The following CNPY1 variants were observed in gnomAD, a reference collection of about 807,000 sequenced individuals.
CNPY1 encodes canopy FGF signaling regulator 1, also known as protein canopy homolog 1.
Under a neutral mutation model 14.4 loss-of-function variants are expected in CNPY1, and 14 were observed. The ratio of observed to expected loss-of-function variants is 0.97; its 90% confidence interval spans 0.64 to 1.52. The LOEUF (loss-of-function observed/expected upper bound fraction) is 1.52, where lower values mean the gene tolerates loss of function less well. Ranked by LOEUF, CNPY1 falls within the 40% of genes most tolerant of loss-of-function variation. The probability of loss-of-function intolerance (pLI) is 0.00; values close to 1 mark genes in which losing one functional copy is unlikely to be tolerated. For synonymous variants in CNPY1, 43 were observed against 46.5 expected (o/e 0.92, Z 0.31); for missense variants, 129 against 131.5 (o/e 0.98, Z 0.09).
At chr7:155,535,475 G>A (rs989973581) in intron 2 of CNPY1, among the ~76,000 whole-genome samples, 1 of 152,188 alleles carries the variant, frequency 6.6e-6, no homozygotes, top group East Asian at 1.9e-4. Flanking sequence ...CACACACAAG[G>A]CATAAGGATA....
intron 2 of CNPY1, among the ~76,000 whole-genome samples, chr7:155,530,162 G>A (rs1432491667): frequency 2.0e-5 from 3 of 152,068 alleles, no homozygotes; most frequent in Non-Finnish European, 2.9e-5. Flanking sequence ...TTTGGGGCAC[G>A]GTTCCACAAC....
intron 4 of CNPY1, among the ~76,000 whole-genome samples, chr7:155,505,117 G>C (rs2116660131): frequency 6.6e-6 from 1 of 152,284 alleles, no homozygotes; most frequent in Admixed American, 6.5e-5. Flanking sequence ...GTGGGTGGGA[G>C]AAGTCCAGTC....
intron 2 of CNPY1, among the ~76,000 whole-genome samples, chr7:155,520,738 C>T (rs1796705604): frequency 6.6e-6 from 1 of 151,924 alleles, no homozygotes; most frequent in African/African-American, 2.4e-5. Flanking sequence ...AAATGTCTTC[C>T]CTCTTGATGC....
At chr7:155,522,039 T>C (rs1796735360) in intron 2 of CNPY1, among the ~76,000 whole-genome samples, 1 of 152,240 alleles carries the variant, frequency 6.6e-6, no homozygotes, top group Non-Finnish European at 1.5e-5. Flanking sequence ...GAGGTTCCTC[T>C]AGACGTGTTG....
intron 2 of CNPY1, among the ~76,000 whole-genome samples, chr7:155,537,884 CAAGT>C (rs1797041951): frequency 1.3e-5 from 2 of 151,884 alleles, no homozygotes; most frequent in South Asian, 2.1e-4. Context: ...TTAAATTTAA[CAAGT>C]AATATGTTTA....
Position 155,545,956 on chromosome 7 carries a change from C to T in CNPY1, c.-14-13G>A. ...AGCGCCCTGCACGCTAAACAAGACA[C>T]AAAACAGCTGTGATCAGAGGAGGAG... On this transcript the variant is annotated splice_polypyrimidine_tract_variant and intron_variant, in intron 1 of 4. Coordinates refer to ENST00000636446, the MANE Select transcript of CNPY1 (RefSeq NM_001393663.1). 2 of 398,596 alleles carry T rather than the reference C, an allele frequency of 5.0e-6. No homozygotes were observed. Among genetic ancestry groups the T allele is most frequent in the Non-Finnish European group, 8.8e-6 (2 of 226,098 alleles). 24.7% of individuals were successfully genotyped at this position (398,596 alleles called of 1,614,324 possible). A position where few individuals can be genotyped will look rare whatever the true frequency, so the allele number is the denominator to read the frequency against.
rs774164229 is a variant in CNPY1 at position 155,509,027 on chromosome 7, T to C, written c.170A>G (p.Tyr57Cys). The change falls in exon 3 of 5, where the codon TAC becomes TGC. Residue 57 changes from tyrosine to cysteine, a missense_variant. By Grantham distance (194) the Tyr-to-Cys change is radical. Transcript: ENST00000636446. ...CGTCACAGGGTCTTCCTCAAGCTTG[T>C]AGTCGTTCATTCGCTCACAGACTTT... ...LEKVCERMND[Y>C]KLEEDPVTKE... 5.0e-6 allele frequency: 8 copies of C among 1,612,980 alleles called. No individual in the cohort carries two copies. In the African/African-American group the frequency reaches 6.7e-5, roughly 13 times the overall value.
rs1796105646 is a variant in CNPY1, at chr7:155,501,464, T to C, written c.*1604A>G. 1 of 152,246 alleles carries C rather than the reference T, an allele frequency of 6.6e-6. No homozygotes were observed. The highest frequency in any genetic ancestry group is 1.5e-5 in the Non-Finnish European group (1 of 68,042). The allele number at this position is 152,246 out of a possible 1,614,324, so 9.4% of individuals were successfully genotyped here. On this transcript the variant is annotated 3_prime_UTR_variant, in exon 5 of 5. Transcript: ENST00000636446. ...GACCGTGAACAGTTTTCACTGAAGC[T>C]TACTTAGTGTCACAGGTCCCGCCAT...
Position 155,501,484 on chromosome 7 carries a change from C to A in CNPY1, c.*1584G>T, listed in dbSNP as rs1198571620. The A allele has an allele frequency of 6.6e-6, 1 of 152,164 alleles. No individual in the cohort carries two copies. Among genetic ancestry groups the A allele is most frequent in the Non-Finnish European group, 1.5e-5 (1 of 68,026 alleles). 9.4% of individuals were successfully genotyped at this position (152,164 alleles called of 1,614,324 possible). On this transcript the variant is annotated 3_prime_UTR_variant, in exon 5 of 5. Coordinates refer to ENST00000636446, the MANE Select transcript of CNPY1 (RefSeq NM_001393663.1). ...GAAGCTTACTTAGTGTCACAGGTCCCGCCATGTTCCTGTGAAGGTCACTAG... is the reference window on the plus strand; with the variant it reads ...GAAGCTTACTTAGTGTCACAGGTCCAGCCATGTTCCTGTGAAGGTCACTAG...
chr7:155,530,631 G>A (rs1210390455), intron 2 of CNPY1, among the ~76,000 whole-genome samples: 1 of 152,174 alleles, frequency 6.6e-6, no homozygotes, highest in Non-Finnish European at 1.5e-5. Flanking sequence ...CCAACGGCCA[G>A]GCAGCCTCAG....
intron 2 of CNPY1, among the ~76,000 whole-genome samples, chr7:155,513,258 A>G (rs1004739529): frequency 1.3e-5 from 2 of 152,220 alleles, no homozygotes; most frequent in Non-Finnish European, 2.9e-5. Flanking sequence ...AGTGTTCTGT[A>G]TATCAGAAAA....
chr7:155,534,046 G>A (rs1005479358), intron 2 of CNPY1, among the ~76,000 whole-genome samples: 2 of 152,156 alleles, frequency 1.3e-5, no homozygotes, highest in Non-Finnish European at 2.9e-5. Flanking sequence ...TGCTGGCCCC[G>A]CCGGGAAGAG....
At chr7:155,507,659 C>T (rs760656503) in intron 3 of CNPY1, among the ~76,000 whole-genome samples, 2 of 151,956 alleles carry the variant, frequency 1.3e-5, no homozygotes, top group African/African-American at 2.4e-5. Context: ...ACAGTTACTT[C>T]GGGAGGTGTC....
intron 2 of CNPY1, among the ~76,000 whole-genome samples, chr7:155,538,289 T>A (rs979592559): frequency 2.0e-5 from 3 of 152,200 alleles, no homozygotes; most frequent in African/African-American, 7.2e-5. Flanking sequence ...AGCCCTGCAG[T>A]CCATCTGCAC....
chr7:155,543,733 C>T (rs1049061042), intron 2 of CNPY1, among the ~76,000 whole-genome samples: 6 of 152,174 alleles, frequency 3.9e-5, no homozygotes, highest in South Asian at 2.1e-4. Context: ...AACCCACCCG[C>T]GCGCCTACAG....
intron 2 of CNPY1, among the ~76,000 whole-genome samples, chr7:155,538,503 C>T (rs886805597): frequency 6.6e-6 from 1 of 151,772 alleles, no homozygotes; most frequent in Non-Finnish European, 1.5e-5. Context: ...TCCTGCTAAC[C>T]CCAGACTCTG....
At chr7:155,527,058 T>TTTCTTTC (rs751755665) in intron 2 of CNPY1, among the ~76,000 whole-genome samples, 96 of 39,510 alleles carry the variant, frequency 2.4e-3, no homozygotes, top group Middle Eastern at 0.011. Context: ...TTCTTTCTTT[T>TTTCTTTC]TTTTTTTTTT....
chr7:155,527,059 T>TTCTTTCTTTCTTTCTTTC (rs1585323187), intron 2 of CNPY1, among the ~76,000 whole-genome samples: 5 of 141,878 alleles, frequency 3.5e-5, no homozygotes, highest in East Asian at 2.1e-4. Flanking sequence ...TCTTTCTTTT[T>TTCTTTCTTTCTTTCTTTC]TTTTTTTTTT....
intron 2 of CNPY1, among the ~76,000 whole-genome samples, chr7:155,532,030 C>T (rs1216682435): frequency 6.6e-6 from 1 of 152,218 alleles, no homozygotes; most frequent in East Asian, 1.9e-4. Flanking sequence ...ACAGCTTGAG[C>T]AAATAAAGCA....
Sources: allele counts gnomAD v4.1 joint callset (sites outside exome capture counted in the v4.1 genomes callset), GRCh38; gene constraint gnomAD v4.1.1; transcripts MANE v1.5; gene names NCBI Gene and HGNC (gene_info 2026-07-23, HGNC 2026-07-21).